Variants in MYOC observed in about 807,000 individuals in gnomAD.
MYOC encodes the protein myocilin.
In MYOC, 29 loss-of-function variants were observed where a neutral mutation model predicts 28.2. The observed-to-expected ratio is 1.03, with a 90% confidence interval of 0.77 to 1.40. The LOEUF (loss-of-function observed/expected upper bound fraction) is 1.40, where lower values mean the gene tolerates loss of function less well. Ranked by LOEUF, MYOC falls within the 40% of genes most tolerant of loss-of-function variation. MYOC has a pLI of 0.00. For missense variants in MYOC, 569 were observed against 620.6 expected (o/e 0.92, Z 0.88); for synonymous variants, 240 against 245.6 (o/e 0.98, Z 0.21).
chr1:171,649,983 A>C (rs1653314939), intron 1 of MYOC, among the ~76,000 whole-genome samples: 1 of 152,164 alleles, frequency 6.6e-6, no homozygotes, highest in Non-Finnish European at 1.5e-5. Flanking sequence ...TCTTGTACTA[A>C]TGTAATTTCC....
intron 1 of MYOC, among the ~76,000 whole-genome samples, chr1:171,649,268 C>A (rs909909052): frequency 2.6e-5 from 4 of 152,098 alleles, no homozygotes; most frequent in Admixed American, 2.0e-4. Flanking sequence ...CCTTCTCAGG[C>A]CTTACCTTTG....
intron 1 of MYOC, among the ~76,000 whole-genome samples, chr1:171,643,025 C>T (rs1335635389): frequency 6.6e-6 from 1 of 152,138 alleles, no homozygotes; most frequent in Non-Finnish European, 1.5e-5. Flanking sequence ...ATCTGAATGG[C>T]TCCTGGAGAG....
At chr1:171,639,828 G>A (rs945481039) in intron 1 of MYOC, among the ~76,000 whole-genome samples, 7 of 150,624 alleles carry the variant, frequency 4.6e-5, no homozygotes, top group African/African-American at 1.5e-4. Flanking sequence ...GCACATGCCT[G>A]TAGTTCCAGA....
intron 1 of MYOC, among the ~76,000 whole-genome samples, chr1:171,645,194 T>C (rs561869431): frequency 6.6e-6 from 1 of 151,976 alleles, no homozygotes; most frequent in Non-Finnish European, 1.5e-5. Flanking sequence ...TTTGTTGGAG[T>C]CCTACCCCAG....
At chr1:171,649,298 C>T (rs1417766179) in intron 1 of MYOC, among the ~76,000 whole-genome samples, 4 of 152,184 alleles carry the variant, frequency 2.6e-5, no homozygotes, top group Non-Finnish European at 5.9e-5. Flanking sequence ...CCTCACTAAG[C>T]TTCTCTACCC....
In MYOC at chr1:171,636,399, A is replaced by C. The variant is rs61730974; in HGVS notation, c.1041T>G (p.Tyr347Ter). Residue 347 changes from tyrosine (Y) to a stop codon, truncating the protein, a stop_gained, in exon 3 of 3, where the codon TAT becomes TAG. Coordinates refer to ENST00000037502, the MANE Select transcript of MYOC (RefSeq NM_000261.2). LOFTEE classifies it low-confidence loss of function (END_TRUNC). Reference protein sequence around the residue: ...QGAESRTVIRYELNTETVKAE... With the variant: ...QGAESRTVIR ...CCTTCACTGTCTCGGTATTCAGCTC[A>C]TATCTTATGACAGTTCTGGACTCAG... The C allele has an allele frequency of 1.9e-6, 3 of 1,613,980 alleles. No individual in the cohort carries two copies. Among genetic ancestry groups the C allele is most frequent in the Admixed American group, 1.7e-5 (1 of 59,996 alleles).
chr1:171,647,693 C>G (rs1190684844), intron 1 of MYOC, among the ~76,000 whole-genome samples: 1 of 152,178 alleles, frequency 6.6e-6, no homozygotes, highest in Non-Finnish European at 1.5e-5. Context: ...TCATCCCCAT[C>G]CTATTCTAGG....
At chr1:171,644,726 A>T (rs1653158270) in intron 1 of MYOC, among the ~76,000 whole-genome samples, 1 of 152,186 alleles carries the variant, frequency 6.6e-6, no homozygotes, top group African/African-American at 2.4e-5. Flanking sequence ...GACTGCAGAT[A>T]GCGCCTGATA....
rs779176698 is a variant in MYOC at position 171,636,540 on chromosome 1, C to T, written c.900G>A (p.Glu300=). Residue 300 remains glutamate (E), a synonymous_variant, in exon 3 of 3, where the codon GAG becomes GAA. Coordinates refer to ENST00000037502, the MANE Select transcript of MYOC (RefSeq NM_000261.2). ...GCATAAACTGGCTGATGAGGTCATA[C>T]TCAAAAACCTGGCGGACATCCGTGC... ...TVGTDVRQVF[E]YDLISQFMQG... is the part of the protein sequence containing the mutation. 10 of 1,608,882 alleles carry T rather than the reference C, an allele frequency of 6.2e-6. No individual in the cohort carries two copies. The highest frequency in any genetic ancestry group is 1.7e-4 in the Middle Eastern group (1 of 6,060).
Position 171,652,446 on chromosome 1 carries a change from G to C in MYOC, c.166C>G (p.Pro56Ala). ...TGCTCTGGGCAGCTGGATTCATTGGGACTGGCCACACTGAAGGTATACTGG... is the reference window on the plus strand; with the variant it reads ...TGCTCTGGGCAGCTGGATTCATTGGCACTGGCCACACTGAAGGTATACTGG... ...RCQYTFSVAS[P>A]NESSCPEQSQ... The change falls in exon 1 of 3, where the codon CCC becomes GCC. Residue 56 changes from proline (P) to alanine (A), a missense_variant. By Grantham distance (27) the Pro-to-Ala change is conservative (BLOSUM62 -1). Transcript: ENST00000037502. 1 of 1,614,202 alleles carries C rather than the reference G, an allele frequency of 6.2e-7. No individual in the cohort carries two copies. Among genetic ancestry groups the C allele is most frequent in the Non-Finnish European group, 8.5e-7 (1 of 1,180,044 alleles).
In MYOC at chr1:171,650,942, A is replaced by G. The variant is rs547338880; in HGVS notation, c.604+1066T>C. Among the ~76,000 whole-genome samples, 152 of 152,284 alleles carry G rather than the reference A, an allele frequency of 1.0e-3. 1 individual carries two copies. The highest frequency in any genetic ancestry group is 1.9e-3 in the Non-Finnish European group (132 of 68,024). ...TAGAACAAAGATTTTATCCTTCGCAACCACAGTATCATTATCTCACCAAGA... is the reference window on the plus strand; with the variant it reads ...TAGAACAAAGATTTTATCCTTCGCAGCCACAGTATCATTATCTCACCAAGA... On this transcript the variant is annotated intron_variant, in intron 1 of 2. Transcript: ENST00000037502.
At chr1:171,647,327 C>A (rs925565627) in intron 1 of MYOC, among the ~76,000 whole-genome samples, 4 of 151,638 alleles carry the variant, frequency 2.6e-5, no homozygotes, top group Admixed American at 6.6e-5. Context: ...AGTTCAAGAC[C>A]AGCCTGGCCA....
Position 171,635,756 on chromosome 1 carries a change from A to G in MYOC, c.*169T>C, listed in dbSNP as rs1291260737. The G allele has an allele frequency of 3.0e-6, 2 of 676,186 alleles. No individual in the cohort carries two copies. Among genetic ancestry groups the G allele is most frequent in the Non-Finnish European group, 2.6e-6 (1 of 389,014 alleles). The allele number at this position is 676,186 out of a possible 1,614,324, so 41.9% of individuals were successfully genotyped here. On this transcript the variant is annotated 3_prime_UTR_variant, in exon 3 of 3. Coordinates refer to ENST00000037502, the MANE Select transcript of MYOC (RefSeq NM_000261.2). Reference sequence around the variant, plus strand: ...GAAATTGTCTACGCCCTCAGACTACAATTCCTGAATAGTTAGATGGTGACC... The same window carrying G: ...GAAATTGTCTACGCCCTCAGACTACGATTCCTGAATAGTTAGATGGTGACC...
chr1:171,640,702 C>T (rs1653056619), intron 1 of MYOC, among the ~76,000 whole-genome samples: 1 of 152,132 alleles, frequency 6.6e-6, no homozygotes. Flanking sequence ...CCTCTGCACT[C>T]CAGCCCTGGC....
At position 171,635,946 on chromosome 1, in the gene MYOC, G is replaced by A. The variant is rs757893552; in HGVS notation, c.1494C>T (p.Asp498=). 4 of 1,614,040 alleles carry A rather than the reference G, an allele frequency of 2.5e-6. No individual in the cohort carries two copies. Among genetic ancestry groups the A allele is most frequent in the Admixed American group, 1.7e-5 (1 of 60,006 alleles). The change falls in exon 3 of 3, where the codon GAC becomes GAT. Residue 498 remains aspartate, a synonymous_variant. Transcript: ENST00000037502. The part of the protein sequence containing the change: ...AWDNLNMVTY[D]IKLSKM The stretch of plus-strand genomic sequence containing the variant: ...CTTTTCACATCTTGGAGAGCTTGAT[G>A]TCATAAGTGACCATGTTCAAGTTGT...
At chr1:171,639,583 T>G (rs2102945992) in intron 1 of MYOC, among the ~76,000 whole-genome samples, 1 of 146,672 alleles carries the variant, frequency 6.8e-6, no homozygotes, top group Admixed American at 7.0e-5. Context: ...AGTTCAAGGC[T>G]GCAGTGAGCT....
chr1:171,640,303 C>T (rs1045675630), intron 1 of MYOC, among the ~76,000 whole-genome samples: 3 of 151,880 alleles, frequency 2.0e-5, no homozygotes, highest in South Asian at 2.1e-4. Flanking sequence ...AGAAGGGAAG[C>T]GGGTGGGCAG....
intron 1 of MYOC, among the ~76,000 whole-genome samples, chr1:171,649,521 A>G (rs1653304972): frequency 1.3e-5 from 2 of 152,030 alleles, no homozygotes; most frequent in African/African-American, 4.8e-5. Flanking sequence ...GGCCATGTAC[A>G]GGGAGGGCTC....
Position 171,635,591 on chromosome 1 carries a change from C to T in MYOC, c.*334G>A. The T allele has an allele frequency of 2.2e-6, 1 of 445,038 alleles. No homozygotes were observed. The allele number at this position is 445,038 out of a possible 1,614,324, so 27.6% of individuals were successfully genotyped here. A position where few individuals can be genotyped will look rare whatever the true frequency, so the allele number is the denominator to read the frequency against. Reference sequence around the variant, plus strand: ...TGCTTTTTATTGTGGCTTGTGGTAACCATGTAACATGCAAGAGCAATGGTT... The same window carrying T: ...TGCTTTTTATTGTGGCTTGTGGTAATCATGTAACATGCAAGAGCAATGGTT... On this transcript the variant is annotated 3_prime_UTR_variant, in exon 3 of 3. Transcript: ENST00000037502.
Sources: gnomAD v4.1 joint callset for allele counts (sites outside exome capture counted in the v4.1 genomes callset) on GRCh38, gnomAD v4.1.1 for gene constraint, MANE v1.5 for transcripts, NCBI Gene and HGNC (gene_info 2026-07-23, HGNC 2026-07-21) for gene names.